Variants in CACNB4 observed in about 807,000 individuals in gnomAD.
The protein encoded by CACNB4 is calcium voltage-gated channel auxiliary subunit beta 4, also known as voltage-dependent L-type calcium channel subunit beta-4.
CACNB4 carries 32 observed loss-of-function variants against 71.2 expected under a neutral mutation model. The observed-to-expected ratio is 0.45, with a 90% confidence interval of 0.34 to 0.60. The LOEUF (loss-of-function observed/expected upper bound fraction) is 0.60. CACNB4 is among the 20% of genes least tolerant of loss of function. The pLI, the probability that CACNB4 is intolerant of heterozygous loss-of-function variation, is 0.01. For missense variants in CACNB4, 464 were observed against 647.9 expected, an observed-to-expected ratio of 0.72 and a Z score of 3.08; for synonymous variants, 231 against 236.9, an observed-to-expected ratio of 0.97 and a Z score of 0.23.
chr2:152,094,473 C>A (rs1262471312), intron 2 of CACNB4, among the ~76,000 whole-genome samples: 1 of 152,172 alleles, frequency 6.6e-6, no homozygotes, highest in East Asian at 1.9e-4. Flanking sequence ...ACTATTCCCA[C>A]TCTGATCAGA....
At chr2:151,866,794 T>A (rs1323782194) in intron 9 of CACNB4, 2 of 152,188 alleles carry the variant, frequency 1.3e-5, no homozygotes, top group African/African-American at 4.8e-5. Flanking sequence ...CAGGGCTAAG[T>A]CTCTCTCTTC....
At chr2:152,071,733 G>A (rs1167774241) in intron 2 of CACNB4, among the ~76,000 whole-genome samples, 1 of 152,188 alleles carries the variant, frequency 6.6e-6, no homozygotes, top group African/African-American at 2.4e-5. Context: ...TTATAGTGTG[G>A]AAGTACAATG....
chr2:151,928,799 C>G (rs1312923622), intron 2 of CACNB4, among the ~76,000 whole-genome samples: 3 of 151,664 alleles, frequency 2.0e-5, no homozygotes, highest in Non-Finnish European at 2.9e-5. Flanking sequence ...TGGTATGTGC[C>G]GGTGGTCCCA....
chr2:151,895,752 A>G (rs1193717513), intron 2 of CACNB4, among the ~76,000 whole-genome samples: 2 of 152,130 alleles, frequency 1.3e-5, no homozygotes, highest in Non-Finnish European at 2.9e-5. Context: ...ATTAAATATT[A>G]ATAATCACTA....
intron 2 of CACNB4, among the ~76,000 whole-genome samples, chr2:152,051,055 G>A (rs943322930): frequency 3.3e-5 from 5 of 151,846 alleles, no homozygotes; most frequent in African/African-American, 4.8e-5. Context: ...GATGTGAGCC[G>A]CTGGGCCCAG....
chr2:152,077,197 G>A (rs1687079386), intron 2 of CACNB4, among the ~76,000 whole-genome samples: 1 of 152,158 alleles, frequency 6.6e-6, no homozygotes, highest in Admixed American at 6.5e-5. Context: ...GAGGTGGGTG[G>A]ATCACCTGAG....
At chr2:151,908,994 G>T (rs1263098074) in intron 2 of CACNB4, among the ~76,000 whole-genome samples, 2 of 151,018 alleles carry the variant, frequency 1.3e-5, no homozygotes, top group Non-Finnish European at 2.9e-5. Context: ...CAGGTGTTAT[G>T]CTTGAAAAAT....
At chr2:151,870,494 C>G in intron 8 of CACNB4, 37 bp downstream of exon 8, 1 of 1,545,684 alleles carries the variant, frequency 6.5e-7, no homozygotes, top group Non-Finnish European at 8.9e-7. Context: ...CCTGGGTGCT[C>G]GATCAAGAAC....
intron 2 of CACNB4, among the ~76,000 whole-genome samples, chr2:152,028,692 C>T (rs916225777): frequency 1.3e-5 from 2 of 152,156 alleles, no homozygotes; most frequent in African/African-American, 4.8e-5. Context: ...TTTATAACCA[C>T]GTGGTGAACA....
intron 2 of CACNB4, among the ~76,000 whole-genome samples, chr2:151,961,903 A>T (rs1156758104): frequency 2.0e-5 from 3 of 152,140 alleles, no homozygotes; most frequent in East Asian, 3.9e-4. Context: ...AAAAAAATAA[A>T]AAAAAGAATG....
intron 2 of CACNB4, among the ~76,000 whole-genome samples, chr2:151,915,164 A>T (rs573552840): frequency 1.3e-5 from 2 of 152,142 alleles, no homozygotes; most frequent in South Asian, 4.1e-4. Flanking sequence ...TCTGTCCCTA[A>T]GCCTCTGGCT....
Position 152,081,338 on chromosome 2 carries a change from G to A in CACNB4, c.147+16992C>T, listed in dbSNP as rs114378543. Among the ~76,000 whole-genome samples the A allele has an allele frequency of 8.7e-3, 1,317 of 152,184 alleles. 24 individuals carry two copies. Among genetic ancestry groups the A allele is most frequent in the African/African-American group, 0.03 (1,258 of 41,514 alleles). ...TGAGTTTATTTCTCACAGTCCCAGA[G>A]GCTAGGAAGTCCAAGATCAAGATAC... On this transcript the variant is annotated intron_variant, in intron 2 of 13. Transcript: ENST00000539935.
chr2:151,892,383 A>C lies in CACNB4; in HGVS notation c.148-9013T>G, dbSNP rs557892654. On this transcript the variant is annotated intron_variant, in intron 2 of 13. Transcript: ENST00000539935. ...CTTGTGTCTTAAAAAAAAAAAAAGA[A>C]AAGACTTCCTTCTGTCACATAAAAA... Among the ~76,000 whole-genome samples the C allele has an allele frequency of 4.6e-5, 7 of 152,252 alleles. No homozygotes were observed. In the South Asian group the frequency reaches 6.2e-4, roughly 14 times the overall value.
intron 2 of CACNB4, among the ~76,000 whole-genome samples, chr2:152,046,450 A>T (rs1239588371): frequency 6.6e-6 from 1 of 152,238 alleles, no homozygotes; most frequent in Non-Finnish European, 1.5e-5. Context: ...TCTTGCCTAC[A>T]GCTATGGCTG....
At chr2:151,848,491 T>C (rs1474301601) in intron 12 of CACNB4, among the ~76,000 whole-genome samples, 1 of 152,216 alleles carries the variant, frequency 6.6e-6, no homozygotes, top group South Asian at 2.1e-4. Flanking sequence ...GGAAAATTAC[T>C]ACTGTGAGAG....
chr2:151,890,313 C>G (rs1399827475), intron 2 of CACNB4, among the ~76,000 whole-genome samples: 1 of 152,086 alleles, frequency 6.6e-6, no homozygotes, highest in Non-Finnish European at 1.5e-5. Context: ...TTTTAGGTTT[C>G]AAAGAGTCGT....
chr2:152,036,447 G>A (rs971990542), intron 2 of CACNB4, among the ~76,000 whole-genome samples: 51 of 152,162 alleles, frequency 3.4e-4, no homozygotes, highest in African/African-American at 9.9e-4. Context: ...TTACAGGCGC[G>A]CGCCACCATG....
At chr2:152,045,761 C>T (rs1329845243) in intron 2 of CACNB4, among the ~76,000 whole-genome samples, 2 of 152,082 alleles carry the variant, frequency 1.3e-5, no homozygotes, top group African/African-American at 2.4e-5. Context: ...AGAGTTCAGA[C>T]GGTACCTTAG....
At chr2:152,052,690 C>T (rs1685508792) in intron 2 of CACNB4, among the ~76,000 whole-genome samples, 2 of 152,074 alleles carry the variant, frequency 1.3e-5, no homozygotes, top group Non-Finnish European at 2.9e-5. Flanking sequence ...ATAGAAATAC[C>T]ATATGTGGGC....
Sources: allele counts gnomAD v4.1 joint callset (sites outside exome capture counted in the v4.1 genomes callset), GRCh38; gene constraint gnomAD v4.1.1; transcripts MANE v1.5; gene names NCBI Gene and HGNC (gene_info 2026-07-23, HGNC 2026-07-21).